SCN11A: variants seen among roughly 807,000 people sequenced by gnomAD.
The protein encoded by SCN11A is sodium channel protein type 11 subunit alpha.
Under a neutral mutation model 162.2 loss-of-function variants are expected in SCN11A, and 122 were observed. That is an observed-to-expected ratio of 0.75 (90% CI 0.65 to 0.87). The LOEUF is 0.87. Ranked by LOEUF, SCN11A falls within the 40% of genes least tolerant of loss-of-function variation. The pLI is 0.00. For synonymous variants in SCN11A, 758 were observed against 751.5 expected, an observed-to-expected ratio of 1.01 and a Z score of -0.14; for missense variants, 2,015 against 2,181.6, an observed-to-expected ratio of 0.92 and a Z score of 1.52.
chr3:38,983,524 C>G (rs2030131760), intron 2 of SCN11A, among the ~76,000 whole-genome samples: 1 of 152,094 alleles, frequency 6.6e-6, no homozygotes, highest in Admixed American at 6.5e-5. Flanking sequence ...ATTCTGAAAC[C>G]CTCAAGACAA....
At chr3:39,046,904 TAA>T (rs1192249110) in intron 1 of SCN11A, among the ~76,000 whole-genome samples, 2 of 150,254 alleles carry the variant, frequency 1.3e-5, no homozygotes, top group Non-Finnish European at 3.0e-5. Context: ...TATTTTTTGA[TAA>T]AGACTGGTTT....
chr3:38,920,054 AAG>A lies in SCN11A; in HGVS notation c.893-55_893-54del, dbSNP rs2066021347. 5 of 1,324,958 alleles carry A rather than the reference AAG, an allele frequency of 3.8e-6. No homozygotes were observed. The South Asian group carries it at 4.7e-5, about 12-fold the overall frequency. The allele number at this position is 1,324,958 out of a possible 1,614,324, so 82.1% of individuals were successfully genotyped here. A position where few individuals can be genotyped will look rare whatever the true frequency, so the allele number is the denominator to read the frequency against. On this transcript the variant is annotated intron_variant, in intron 10 of 29. Coordinates refer to ENST00000302328, the MANE Select transcript of SCN11A (RefSeq NM_001349253.2). ...GATTTTAAAAAAAACATTGAAAGGA[AAG>A]AGAATAGTAAGTATGCAGATTATGC...
At chr3:39,000,362 A>G (rs1489722475) in intron 2 of SCN11A, among the ~76,000 whole-genome samples, 2 of 152,084 alleles carry the variant, frequency 1.3e-5, no homozygotes, top group African/African-American at 4.8e-5. Flanking sequence ...ATGCATGATG[A>G]TTCACTCTTG....
At chr3:38,922,124 C>T (rs1211647975) in intron 9 of SCN11A, among the ~76,000 whole-genome samples, 1 of 152,140 alleles carries the variant, frequency 6.6e-6, no homozygotes, top group African/African-American at 2.4e-5. Context: ...GAGATAAACT[C>T]CCAGATGTAA....
At chr3:38,938,517 T>G (rs1233371635) in intron 7 of SCN11A, among the ~76,000 whole-genome samples, 30 of 12,966 alleles carry the variant, frequency 2.3e-3, no homozygotes, top group African/African-American at 8.9e-3. Flanking sequence ...ATCATATATA[T>G]ATATATATAT....
intron 28 of SCN11A, among the ~76,000 whole-genome samples, chr3:38,857,884 T>C (rs1559489928): frequency 6.6e-6 from 1 of 152,254 alleles, no homozygotes; most frequent in East Asian, 1.9e-4. Flanking sequence ...GAATTTTGTA[T>C]CCAGTAAAAC....
At chr3:38,849,071 T>TATAACTGCA (rs1458716481) in intron 29 of SCN11A, among the ~76,000 whole-genome samples, 1 of 152,184 alleles carries the variant, frequency 6.6e-6, no homozygotes, top group African/African-American at 2.4e-5. Context: ...ATACAGCATG[T>TATAACTGCA]ATAACTGCAA....
At chr3:38,886,784 A>C (rs562624830) in intron 19 of SCN11A, among the ~76,000 whole-genome samples, 1 of 152,348 alleles carries the variant, frequency 6.6e-6, no homozygotes, top group East Asian at 1.9e-4. Context: ...AAAGAAAAAT[A>C]ATAAAACATA....
chr3:38,874,623 C>A (rs1041717007), intron 23 of SCN11A, among the ~76,000 whole-genome samples: 1 of 152,018 alleles, frequency 6.6e-6, no homozygotes, highest in South Asian at 2.1e-4. Context: ...TAAAAAGAGG[C>A]CTCTCATTTT....
intron 1 of SCN11A, among the ~76,000 whole-genome samples, chr3:39,049,553 T>C (rs943363532): frequency 6.6e-6 from 1 of 152,240 alleles, no homozygotes; most frequent in African/African-American, 2.4e-5. Context: ...CTTGCCTACA[T>C]GTGACTGGCT....
At chr3:39,012,605 C>A (rs1485731790) in intron 2 of SCN11A, among the ~76,000 whole-genome samples, 1 of 151,818 alleles carries the variant, frequency 6.6e-6, no homozygotes, top group Non-Finnish European at 1.5e-5. Flanking sequence ...CTCAGCCTCC[C>A]AAGCAGCTGG....
Position 38,957,966 on chromosome 3 carries a change from C to T in SCN11A, c.-139+2317G>A, listed in dbSNP as rs377660014. On this transcript the variant is annotated intron_variant, in intron 3 of 29. Coordinates refer to ENST00000302328, the MANE Select transcript of SCN11A (RefSeq NM_001349253.2). Reference sequence around the variant, plus strand: ...GGGAGCCCTGAGTGGGGCATGGTGACGAGGAATCAGAAGTCATTTAGCTGG... The same window carrying T: ...GGGAGCCCTGAGTGGGGCATGGTGATGAGGAATCAGAAGTCATTTAGCTGG... Among the ~76,000 whole-genome samples the T allele has an allele frequency of 2.1e-4, 32 of 152,162 alleles. 2 individuals are homozygous for T. Among genetic ancestry groups the T allele is most frequent in the Admixed American group, 1.2e-3 (18 of 15,302 alleles).
At chr3:38,967,968 C>G (rs2066793286) in intron 2 of SCN11A, among the ~76,000 whole-genome samples, 1 of 152,198 alleles carries the variant, frequency 6.6e-6, no homozygotes, top group African/African-American at 2.4e-5. Context: ...ATTGAGGATT[C>G]TTTTGGAACA....
rs550518486 is a variant in SCN11A at position 38,859,734 on chromosome 3, G to A, written c.4056+3461C>T. Among the ~76,000 whole-genome samples the A allele has an allele frequency of 1.2e-4, 19 of 152,222 alleles. No homozygotes were observed. The South Asian group carries it at 3.1e-3, about 25-fold the overall frequency. On this transcript the variant is annotated intron_variant, in intron 28 of 29. Transcript: ENST00000302328. Reference sequence around the variant, plus strand: ...TGTCCTTGTTCATTCCTGGGCATAGGCTGAACTAACTTTGGGAAGGAATTC... The same window carrying A: ...TGTCCTTGTTCATTCCTGGGCATAGACTGAACTAACTTTGGGAAGGAATTC...
At chr3:38,995,111 A>G (rs1376862043) in intron 2 of SCN11A, among the ~76,000 whole-genome samples, 1 of 152,026 alleles carries the variant, frequency 6.6e-6, no homozygotes, top group Non-Finnish European at 1.5e-5. Context: ...ATCAGCATAT[A>G]AGGGAAGCTT....
At chr3:38,853,040 T>C (rs1262841707) in intron 28 of SCN11A, among the ~76,000 whole-genome samples, 1 of 152,240 alleles carries the variant, frequency 6.6e-6, no homozygotes, top group Admixed American at 6.5e-5. Flanking sequence ...CTATAAAAGA[T>C]GGCTAAGGAA....
intron 2 of SCN11A, among the ~76,000 whole-genome samples, chr3:39,017,375 CACTT>C (rs2031321329): frequency 2.0e-5 from 3 of 151,646 alleles, no homozygotes; most frequent in Non-Finnish European, 4.4e-5. Flanking sequence ...ACTATTTTCT[CACTT>C]ACATTGTTTC....
intron 2 of SCN11A, among the ~76,000 whole-genome samples, chr3:39,015,326 C>T (rs1345632343): frequency 6.6e-6 from 1 of 152,178 alleles, no homozygotes; most frequent in Non-Finnish European, 1.5e-5. Context: ...CAATAAACTT[C>T]CACTCATTAT....
intron 29 of SCN11A, among the ~76,000 whole-genome samples, chr3:38,848,479 T>C (rs1559483846): frequency 6.6e-6 from 1 of 152,142 alleles, no homozygotes; most frequent in Non-Finnish European, 1.5e-5. Flanking sequence ...TTAGGGTTCA[T>C]GGGCAGCAGA....
Sources: gnomAD v4.1 joint callset for allele counts (sites outside exome capture counted in the v4.1 genomes callset) on GRCh38, gnomAD v4.1.1 for gene constraint, MANE v1.5 for transcripts, NCBI Gene and HGNC (gene_info 2026-07-23, HGNC 2026-07-21) for gene names.